Variants in SHTN1 observed in about 807,000 individuals in gnomAD.
The protein encoded by SHTN1 is shootin-1.
Under a neutral mutation model 83.1 loss-of-function variants are expected in SHTN1, and 42 were observed. The ratio of observed to expected loss-of-function variants is 0.51; its 90% CI spans 0.39 to 0.65. The LOEUF is 0.65. Among genes scored for constraint, SHTN1 ranks in the 30% least tolerant of loss-of-function variants. The pLI, the probability that SHTN1 is intolerant of heterozygous loss-of-function variation, is 0.00. For missense variants in SHTN1, 622 were observed against 737.8 expected, an observed-to-expected ratio of 0.84 and a Z score of 1.82; for synonymous variants, 224 against 247.7, an observed-to-expected ratio of 0.90 and a Z score of 0.90.
intron 9 of SHTN1, 22 bp from the exon 10 acceptor site, chr10:116,930,024 A>G (rs561801473): frequency 4.7e-6 from 7 of 1,496,248 alleles, no homozygotes; most frequent in Admixed American, 2.4e-5. Flanking sequence ...TTAAAAAAAA[A>G]AGACTTTTAT....
At chr10:117,094,312 T>A (rs537672376) in intron 1 of SHTN1, among the ~76,000 whole-genome samples, 1 of 152,240 alleles carries the variant, frequency 6.6e-6, no homozygotes, top group Non-Finnish European at 1.5e-5. Flanking sequence ...TCAGCTTGGA[T>A]TGATATATCA....
intron 1 of SHTN1, among the ~76,000 whole-genome samples, chr10:117,077,591 TA>T (rs1371669165): frequency 6.6e-6 from 1 of 152,162 alleles, no homozygotes; most frequent in African/African-American, 2.4e-5. Context: ...ACTCATCATT[TA>T]ACATTAGGTA....
intron 7 of SHTN1, among the ~76,000 whole-genome samples, chr10:116,946,564 TATAA>T (rs1212466009): frequency 4.9e-5 from 6 of 123,028 alleles, no homozygotes; most frequent in African/African-American, 1.9e-4. Flanking sequence ...ATGATTTATA[TATAA>T]ATATATAAAA....
rs1851523575 is a variant in SHTN1, at chr10:116,993,649, G to C, written c.58+11373C>G. 3.3e-5 allele frequency among the ~76,000 whole-genome samples: 5 copies of C among 152,238 alleles called. No homozygotes were observed. The South Asian group carries it at 1.0e-3, about 32-fold the overall frequency. On this transcript the variant is annotated intron_variant, in intron 1 of 16. Coordinates refer to ENST00000355371, the MANE Select transcript of SHTN1 (RefSeq NM_001127211.3). ...AATGGATATGAGAAAAATAACCTGA[G>C]ATGATGCCTAGCTTTGTCTGTCTCA... is the stretch of plus-strand genomic sequence containing the variant.
At chr10:116,890,661 G>A (rs1847313368) in intron 16 of SHTN1, among the ~76,000 whole-genome samples, 1 of 152,236 alleles carries the variant, frequency 6.6e-6, no homozygotes, top group South Asian at 2.1e-4. Flanking sequence ...ATGAAGCCTG[G>A]TGCCCAAGTA....
At position 116,954,059 on chromosome 10, in the gene SHTN1, C is replaced by A; in HGVS notation, c.419G>T (p.Cys140Phe). Residue 140 changes from cysteine (C) to phenylalanine (F), a missense_variant, in exon 5 of 17, where the codon TGT becomes TTT. Transcript: ENST00000355371. ...GAAETCVSVQCQKQIKELRDQ... is the reference protein window; with the variant it reads ...GAAETCVSVQFQKQIKELRDQ... ...AGTTCTACCTTTAATTTGCTTCTGA[C>A]ACTGTACTGAGACACAAGTCTCGGC... The A allele has an allele frequency of 1.9e-6, 3 of 1,608,226 alleles. 1 individual carries two copies. In the South Asian group the frequency reaches 3.4e-5, roughly 18 times the overall value.
chr10:116,904,216 T>G (rs1487504171), intron 15 of SHTN1, among the ~76,000 whole-genome samples: 1 of 152,142 alleles, frequency 6.6e-6, no homozygotes, highest in African/African-American at 2.4e-5. Flanking sequence ...CCTATCCAAC[T>G]CCTCACCTCT....
At chr10:117,042,077 A>C (rs534433729) in intron 2 of SHTN1, among the ~76,000 whole-genome samples, 11 of 152,208 alleles carry the variant, frequency 7.2e-5, no homozygotes, top group Non-Finnish European at 1.6e-4. Context: ...GAAGCAGGTA[A>C]GGAGAAAGAA....
At chr10:116,990,322 A>C (rs547915849) in intron 1 of SHTN1, among the ~76,000 whole-genome samples, 1 of 143,652 alleles carries the variant, frequency 7.0e-6, no homozygotes, top group African/African-American at 2.6e-5. Flanking sequence ...TTTGTCATAA[A>C]AAGGAAAATC....
intron 1 of SHTN1, among the ~76,000 whole-genome samples, chr10:117,101,514 C>T (rs1413081399): frequency 6.6e-6 from 1 of 152,120 alleles, no homozygotes; most frequent in East Asian, 1.9e-4. Flanking sequence ...CAGGCCAATA[C>T]AATGTCTTGA....
At chr10:116,951,275 C>T (rs1849766066) in intron 6 of SHTN1, among the ~76,000 whole-genome samples, 1 of 152,074 alleles carries the variant, frequency 6.6e-6, no homozygotes, top group African/African-American at 2.4e-5. Context: ...TTTTAAAAAT[C>T]AGGCAGGCGT....
chr10:116,954,974 C>G (rs960327383), intron 4 of SHTN1, among the ~76,000 whole-genome samples: 1 of 152,044 alleles, frequency 6.6e-6, no homozygotes, highest in African/African-American at 2.4e-5. Context: ...CTAAACTGCT[C>G]CTGTCTCAGA....
chr10:117,021,417 C>T (rs1449426316), intron 2 of SHTN1, among the ~76,000 whole-genome samples: 1 of 152,108 alleles, frequency 6.6e-6, no homozygotes, highest in South Asian at 2.1e-4. Flanking sequence ...ATTATAAAGA[C>T]TGACAACACC....
intron 9 of SHTN1, among the ~76,000 whole-genome samples, chr10:116,939,688 T>A (rs1849296755): frequency 6.6e-6 from 1 of 152,212 alleles, no homozygotes; most frequent in South Asian, 2.1e-4. Flanking sequence ...TTGTAAAAAC[T>A]TCAGAACTTC....
At chr10:116,942,087 G>A (rs1849393460) in intron 8 of SHTN1, among the ~76,000 whole-genome samples, 1 of 152,154 alleles carries the variant, frequency 6.6e-6, no homozygotes, top group African/African-American at 2.4e-5. Context: ...ACACTTGGCT[G>A]GAGAAGGGTG....
chr10:116,966,499 T>C (rs939833795), intron 3 of SHTN1, among the ~76,000 whole-genome samples: 1 of 152,208 alleles, frequency 6.6e-6, no homozygotes, highest in East Asian at 1.9e-4. Context: ...GTACTAATCT[T>C]CCAATCAATC....
chr10:116,890,589 CAAAACCA>C (rs762857319), intron 16 of SHTN1, among the ~76,000 whole-genome samples: 23 of 152,152 alleles, frequency 1.5e-4, no homozygotes, highest in Non-Finnish European at 2.6e-4. Flanking sequence ...TATTTCAAGA[CAAAACCA>C]AAAACCAAAA....
At chr10:117,098,733 GACTCA>G (rs887078386) in intron 1 of SHTN1, among the ~76,000 whole-genome samples, 1 of 152,064 alleles carries the variant, frequency 6.6e-6, no homozygotes, top group Non-Finnish European at 1.5e-5. Context: ...AAGAATGCAG[GACTCA>G]ACAACTTATA....
intron 1 of SHTN1, among the ~76,000 whole-genome samples, chr10:117,002,021 A>T (rs1344164421): frequency 6.6e-6 from 1 of 152,204 alleles, no homozygotes; most frequent in Non-Finnish European, 1.5e-5. Context: ...ATTGGCAAAA[A>T]TTCAAAAACT....
Sources: gnomAD v4.1 joint callset for allele counts (sites outside exome capture counted in the v4.1 genomes callset) on GRCh38, gnomAD v4.1.1 for gene constraint, MANE v1.5 for transcripts, NCBI Gene and HGNC (gene_info 2026-07-23, HGNC 2026-07-21) for gene names.